The following BIN1 variants were observed in gnomAD, a reference collection of about 807,000 sequenced individuals.
BIN1 encodes bridging integrator 1.
In BIN1, 53 loss-of-function variants were observed where a neutral mutation model predicts 82.0. The observed-to-expected ratio is 0.65, with a 90% CI of 0.52 to 0.81. The LOEUF is 0.81. BIN1 is among the 40% of genes least tolerant of loss of function. The pLI, the probability that BIN1 is intolerant of heterozygous loss-of-function variation, is 0.00. For synonymous variants in BIN1, 302 were observed against 328.0 expected, an observed-to-expected ratio of 0.92 and a Z score of 0.86; for missense variants, 642 against 784.4, an observed-to-expected ratio of 0.82 and a Z score of 2.17.
At chr2:127,060,970 GCA>G (rs1353573437) in intron 10 of BIN1, among the ~76,000 whole-genome samples, 1 of 152,192 alleles carries the variant, frequency 6.6e-6, no homozygotes, top group Non-Finnish European at 1.5e-5. Flanking sequence ...CCCCAGGCGA[GCA>G]CAGAGTGCAC....
chr2:127,072,404 G>A lies in BIN1; in HGVS notation c.166-1588C>T, dbSNP rs190942625. Among the ~76,000 whole-genome samples the A allele has an allele frequency of 1.9e-3, 284 of 152,284 alleles. 1 individual carries two copies. Among genetic ancestry groups the A allele is most frequent in the African/African-American group, 6.5e-3 (269 of 41,560 alleles). ...GCAAAGAAGCGGACAGAGGGTCAGC[G>A]ACCGGCCCAGTCACACAGAGACTCG... On this transcript the variant is annotated intron_variant, in intron 2 of 18. Transcript: ENST00000316724.
intron 12 of BIN1, 164 bp from the exon 13 acceptor site, chr2:127,054,176 G>A (rs999867075): frequency 1.6e-5 from 11 of 667,140 alleles, no homozygotes; most frequent in African/African-American, 7.1e-5. Context: ...CTGGCACACA[G>A]CCCAGGCACC....
intron 1 of BIN1, among the ~76,000 whole-genome samples, chr2:127,096,091 C>A (rs1442719799): frequency 6.6e-6 from 1 of 152,140 alleles, no homozygotes; most frequent in Non-Finnish European, 1.5e-5. Flanking sequence ...GATGCCAGAC[C>A]CTCACCTCCA....
At chr2:127,056,581 A>G (rs1011351886) in intron 12 of BIN1, 2 of 152,354 alleles carry the variant, frequency 1.3e-5, no homozygotes. Flanking sequence ...GCTGGAGGCC[A>G]CCACAGCCTG....
intron 1 of BIN1, among the ~76,000 whole-genome samples, chr2:127,085,856 G>C (rs1273213779): frequency 4.6e-5 from 7 of 152,198 alleles, no homozygotes; most frequent in African/African-American, 1.7e-4. Context: ...TGGCAGGAGG[G>C]GCTGGCTCTA....
chr2:127,089,977 C>T (rs1191368540), intron 1 of BIN1, among the ~76,000 whole-genome samples: 3 of 148,952 alleles, frequency 2.0e-5, no homozygotes, highest in East Asian at 2.0e-4. Context: ...TAGTCCCCAA[C>T]GCCCTACTCC....
At chr2:127,088,566 C>A (rs1294195240) in intron 1 of BIN1, among the ~76,000 whole-genome samples, 1 of 151,992 alleles carries the variant, frequency 6.6e-6, no homozygotes, top group African/African-American at 2.4e-5. Context: ...TGAGATCCTA[C>A]CCCTACCAAA....
chr2:127,086,143 G>T (rs17014938), intron 1 of BIN1, among the ~76,000 whole-genome samples: 53,664 of 151,914 alleles, frequency 0.35, 9,823 homozygotes, highest in African/African-American at 0.42. Flanking sequence ...ATGACCGTTG[G>T]TCCTATTTTA....
chr2:127,051,207 G>A lies in BIN1; in HGVS notation c.1408C>T (p.Pro470Ser). Residue 470 changes from proline (P) to serine (S), a missense_variant, in exon 16 of 19, where the codon CCT becomes TCT. Pro to Ser is a moderately conservative substitution (Grantham distance 74). Coordinates refer to ENST00000316724, the MANE Select transcript of BIN1 (RefSeq NM_139343.3). ...EASEVAGGTQ[P>S]AAGAQEPGET... ...CCTGGCTCCTGGGCTCCAGCCGCAG[G>A]TTGGGTCCCACCCGCCACCTCCGAG... The A allele has an allele frequency of 1.9e-6, 3 of 1,613,686 alleles. No homozygotes were observed. The highest frequency in any genetic ancestry group is 2.5e-6 in the Non-Finnish European group (3 of 1,179,946).
At position 127,053,996 on chromosome 2, in the gene BIN1, G is replaced by A; in HGVS notation, c.1148C>T (p.Pro383Leu). The change falls in exon 13 of 19, where the codon CCT (proline) becomes CTT (leucine). Residue 383 changes from proline (P) to leucine (L), a missense_variant. By Grantham distance (98) the Pro-to-Leu change is moderately conservative (BLOSUM62 -3). Coordinates refer to ENST00000316724, the MANE Select transcript of BIN1 (RefSeq NM_139343.3). ...CAGCAGACTGGCCTGCTCCGAGAAA[G>A]GCCCCGGGGCCTCAAACTTGGCAGC... The part of the protein sequence containing the change: ...TTPSQFEAPG[P>L]FSEQASLLDL... 1 of 1,551,362 alleles carries A rather than the reference G, an allele frequency of 6.4e-7. No individual in the cohort carries two copies. The highest frequency in any genetic ancestry group is 8.7e-7 in the Non-Finnish European group (1 of 1,146,940).
chr2:127,104,158 A>G (rs973353551), intron 1 of BIN1, among the ~76,000 whole-genome samples: 15 of 152,226 alleles, frequency 9.9e-5, no homozygotes, highest in Non-Finnish European at 1.0e-4. Context: ...GCAGAGAACA[A>G]ACAACACAAA....
rs114184339 is a variant in BIN1 at position 127,050,031 on chromosome 2, G to A, written c.1674+390C>T. Among the ~76,000 whole-genome samples, 1,363 of 152,344 alleles carry A rather than the reference G, an allele frequency of 8.9e-3. 15 individuals carry two copies. The highest frequency in any genetic ancestry group is 0.03 in the African/African-American group (1,266 of 41,574). On this transcript the variant is annotated intron_variant, in intron 18 of 18. Coordinates refer to ENST00000316724, the MANE Select transcript of BIN1 (RefSeq NM_139343.3). ...GCTGCAGGGTGGGCACCTTGTGGGC[G>A]GGGCAGGAGGGGTCAAGCATCCTGT...
rs559158404 is a variant in BIN1, at chr2:127,063,421, G to A, written c.774+150C>T. On this transcript the variant is annotated intron_variant, in intron 9 of 18. Transcript: ENST00000316724. ...GGCCCAGGCACTCCTGAAGGGGGCT[G>A]TTCCACAGGGCCGGGAGGGAGCCCT... The A allele has an allele frequency of 1.4e-4, 119 of 856,414 alleles. 1 individual carries two copies. The highest frequency in any genetic ancestry group is 5.0e-5 in the African/African-American group (3 of 59,570). 53.1% of individuals were successfully genotyped at this position (856,414 alleles called of 1,614,324 possible).
intron 1 of BIN1, among the ~76,000 whole-genome samples, chr2:127,097,499 A>G (rs1445068891): frequency 2.6e-5 from 4 of 152,124 alleles, no homozygotes; most frequent in Non-Finnish European, 5.9e-5. Context: ...CAGGGCAGGT[A>G]CAGGATGTTT....
intron 1 of BIN1, among the ~76,000 whole-genome samples, chr2:127,078,188 C>A (rs1206900037): frequency 2.0e-5 from 3 of 151,842 alleles, no homozygotes; most frequent in Non-Finnish European, 4.4e-5. Context: ...TGCACTTCCC[C>A]CCCCAGCCAG....
At chr2:127,104,010 C>A (rs1321745968) in intron 1 of BIN1, among the ~76,000 whole-genome samples, 1 of 152,202 alleles carries the variant, frequency 6.6e-6, no homozygotes, top group Non-Finnish European at 1.5e-5. Context: ...CTCCTCACAC[C>A]AAGGCCACAG....
rs1108031 is a variant in BIN1 at position 127,060,830 on chromosome 2, G to A, written c.857+1285C>T. Among the ~76,000 whole-genome samples the A allele has an allele frequency of 0.32, 48,457 of 152,152 alleles. 11,050 individuals carry two copies. Among genetic ancestry groups the A allele is most frequent in the African/African-American group, 0.65 (27,072 of 41,496 alleles). ...CGGGGTGCCCTGACTGGCCCCTGCTGTGGCCAGGTGCCCGAGGTGATGCTA... is the reference window on the plus strand; with the variant it reads ...CGGGGTGCCCTGACTGGCCCCTGCTATGGCCAGGTGCCCGAGGTGATGCTA... On this transcript the variant is annotated intron_variant, in intron 10 of 18. Transcript: ENST00000316724.
rs763703697 is a variant in BIN1 at position 127,063,924 on chromosome 2, G to A, written c.698+9C>T. On this transcript the variant is annotated intron_variant, in intron 8 of 18. Transcript: ENST00000316724. ...CCCCACGCAGGCTGGGCACCGTGCT[G>A]GGCCTCACCTGTTCCACAGGGACGG... is the stretch of plus-strand genomic sequence containing the variant. 1.9e-5 allele frequency: 31 copies of A among 1,613,344 alleles called. No individual in the cohort carries two copies. The highest frequency in any genetic ancestry group is 3.3e-4 in the Middle Eastern group (2 of 6,082).
intron 2 of BIN1, among the ~76,000 whole-genome samples, chr2:127,075,823 A>C (rs1356758159): frequency 1.3e-5 from 1 of 76,014 alleles, no homozygotes; most frequent in African/African-American, 5.2e-5. Context: ...CCTCTCCCAG[A>C]ATGCTCCCCG....
Sources: gnomAD v4.1 joint callset for allele counts (sites outside exome capture counted in the v4.1 genomes callset) on GRCh38, gnomAD v4.1.1 for gene constraint, MANE v1.5 for transcripts, NCBI Gene and HGNC (gene_info 2026-07-23, HGNC 2026-07-21) for gene names.